The following ZNF45 variants were observed in gnomAD, a reference collection of about 807,000 sequenced individuals.
ZNF45 encodes the protein zinc finger protein 45, also known as BRC1744.
A neutral mutation model predicts 12.0 loss-of-function variants in ZNF45; 4 were observed. That is an observed-to-expected ratio of 0.33 (90% CI 0.16 to 0.76). The LOEUF is 0.76. Among genes scored for constraint, ZNF45 ranks in the 30% least tolerant of loss-of-function variants. The probability of loss-of-function intolerance (pLI) is 0.60; values close to 1 mark genes in which losing one functional copy is unlikely to be tolerated. For missense variants in ZNF45, 700 were observed against 813.0 expected, an observed-to-expected ratio of 0.86 and a Z score of 1.69; for synonymous variants, 272 against 279.6, an observed-to-expected ratio of 0.97 and a Z score of 0.27.
At chr19:43,916,228 C>G (rs1347620927) in intron 9 of ZNF45, among the ~76,000 whole-genome samples, 2 of 152,086 alleles carry the variant, frequency 1.3e-5, no homozygotes, top group African/African-American at 4.8e-5. Context: ...GATTCTCCTG[C>G]CTTATCCCCC....
At position 43,934,664 on chromosome 19, in the gene ZNF45, G is replaced by T. The variant is rs1376694205; in HGVS notation, c.-725C>A. The T allele has an allele frequency of 6.6e-6, 1 of 152,136 alleles. No homozygotes were observed. Among genetic ancestry groups the T allele is most frequent in the Non-Finnish European group, 1.5e-5 (1 of 68,020 alleles). 9.4% of individuals were successfully genotyped at this position (152,136 alleles called of 1,614,324 possible). A position where few individuals can be genotyped will look rare whatever the true frequency, so the allele number is the denominator to read the frequency against. On this transcript the variant is annotated 5_prime_UTR_variant, in exon 2 of 10. Transcript: ENST00000269973. ...TGATGCACTCTTTCTTAAAAAACGG[G>T]TCAGGCATAGTCCAAGAACAGCCTC...
chr19:43,913,739 C>G lies in ZNF45; in HGVS notation c.1697G>C (p.Cys566Ser), dbSNP rs1193052665. Residue 566 changes from cysteine to serine, a missense_variant, in exon 10 of 10, where the codon TGT (cysteine) becomes TCT (serine). Physicochemically the swap from Cys to Ser is moderately radical, Grantham distance 112. Transcript: ENST00000269973. The stretch of plus-strand genomic sequence containing the variant: ...ATGTGCCAGAAAATTGGAGGCCCGA[C>G]AGAAGCCCTTCCCACACTCCTCACA... ...YQCEECGKGFCRASNFLAHRG... is the reference protein window; with the variant it reads ...YQCEECGKGFSRASNFLAHRG... 1 of 1,614,132 alleles carries G rather than the reference C, an allele frequency of 6.2e-7. No homozygotes were observed. The highest frequency in any genetic ancestry group is 1.7e-5 in the Admixed American group (1 of 60,028).
rs966329518 is a variant in ZNF45 at position 43,932,590 on chromosome 19, C to T, written c.-400+14G>A. The T allele has an allele frequency of 6.6e-6, 1 of 152,206 alleles. No individual in the cohort carries two copies. The highest frequency in any genetic ancestry group is 1.5e-5 in the Non-Finnish European group (1 of 68,048). 9.4% of individuals were successfully genotyped at this position (152,206 alleles called of 1,614,324 possible). A position where few individuals can be genotyped will look rare whatever the true frequency, so the allele number is the denominator to read the frequency against. ...AATCCAGATGCCTGTTGGAGAGCTA[C>T]ATGAATCACTTACTCACTGAATAAC... On this transcript the variant is annotated intron_variant, in intron 3 of 9. Coordinates refer to ENST00000269973, the MANE Select transcript of ZNF45 (RefSeq NM_003425.4).
chr19:43,926,491 C>T (rs138676953), intron 3 of ZNF45: 1 of 152,316 alleles, frequency 6.6e-6, no homozygotes, highest in East Asian at 1.9e-4. Flanking sequence ...GCATAATTAG[C>T]ACTAGACAGG....
At chr19:43,916,441 A>G (rs1972684248) in intron 9 of ZNF45, among the ~76,000 whole-genome samples, 1 of 152,142 alleles carries the variant, frequency 6.6e-6, no homozygotes, top group South Asian at 2.1e-4. Context: ...ATCACTCAAT[A>G]TCAGATAGTA....
intron 2 of ZNF45, among the ~76,000 whole-genome samples, chr19:43,933,136 G>A (rs1974270136): frequency 6.6e-6 from 1 of 152,204 alleles, no homozygotes; most frequent in Admixed American, 6.5e-5. Flanking sequence ...GGCAGCCCTG[G>A]CAAATGAATA....
intron 2 of ZNF45, among the ~76,000 whole-genome samples, chr19:43,934,043 T>A (rs1184597915): frequency 1.3e-5 from 2 of 152,224 alleles, no homozygotes; most frequent in Non-Finnish European, 2.9e-5. Context: ...ATCTATTTTA[T>A]TTCCTAATTC....
intron 9 of ZNF45, among the ~76,000 whole-genome samples, chr19:43,915,956 A>G (rs1972628725): frequency 6.6e-6 from 1 of 152,138 alleles, no homozygotes; most frequent in South Asian, 2.1e-4. Flanking sequence ...TATGGTAATA[A>G]CACACATTAT....
chr19:43,915,579 G>A (rs1392264011), intron 9 of ZNF45, among the ~76,000 whole-genome samples: 1 of 152,248 alleles, frequency 6.6e-6, no homozygotes, highest in Non-Finnish European at 1.5e-5. Context: ...CACACAGCAG[G>A]AGGTGAGCGG....
At position 43,919,553 on chromosome 19, in the gene ZNF45, C is replaced by G; in HGVS notation, c.142+20G>C. On this transcript the variant is annotated intron_variant, in intron 8 of 9. Coordinates refer to ENST00000269973, the MANE Select transcript of ZNF45 (RefSeq NM_003425.4). ...ACAACAGAGGGAGCCAATGTTCAGT[C>G]AGAGAATGCCTGTCCTCACCCACTG... 6.2e-7 allele frequency: 1 copy of G among 1,607,384 alleles called. No homozygotes were observed. Among genetic ancestry groups the G allele is most frequent in the South Asian group, 1.1e-5 (1 of 90,772 alleles).
At chr19:43,922,090 T>C in intron 7 of ZNF45, 81 bp downstream of exon 7, 1 of 1,457,026 alleles carries the variant, frequency 6.9e-7, no homozygotes, top group Admixed American at 1.8e-5. Context: ...TCCTTCATCT[T>C]CCTAACAAAG....
At chr19:43,921,215 C>G (rs1973146578) in intron 7 of ZNF45, among the ~76,000 whole-genome samples, 1 of 152,180 alleles carries the variant, frequency 6.6e-6, no homozygotes, top group African/African-American at 2.4e-5. Flanking sequence ...AGCAACTTTC[C>G]ACAATTCTAC....
At chr19:43,924,797 T>G (rs930308796) in intron 4 of ZNF45, among the ~76,000 whole-genome samples, 4 of 152,344 alleles carry the variant, frequency 2.6e-5, no homozygotes, top group Admixed American at 6.5e-5. Flanking sequence ...ATGTCTAATC[T>G]ATAAACTGGA....
At chr19:43,929,060 T>C (rs1409149023) in intron 3 of ZNF45, among the ~76,000 whole-genome samples, 1 of 152,242 alleles carries the variant, frequency 6.6e-6, no homozygotes, top group Admixed American at 6.5e-5. Flanking sequence ...GTTTAACAAG[T>C]GGTCAACAGA....
At chr19:43,928,845 A>G (rs970079732) in intron 3 of ZNF45, among the ~76,000 whole-genome samples, 4 of 152,106 alleles carry the variant, frequency 2.6e-5, no homozygotes, top group Non-Finnish European at 1.5e-5. Flanking sequence ...CCACGAAAAA[A>G]CCCAGGCCAC....
In ZNF45 at chr19:43,914,800, T is replaced by A; in HGVS notation, c.636A>T (p.Arg212Ser). Residue 212 changes from arginine (R) to serine (S), a missense_variant, in exon 10 of 10, where the codon AGA (arginine) becomes AGT (serine). By Grantham distance (110) the Arg-to-Ser change is moderately radical. Transcript: ENST00000269973. ...TGTATGATTTTGCTCTACTGTGGAC[T>A]CTCTGATGGGCTTGAAGACTTGAAA... ...RRFSSLQAHQ[R>S]VHSRAKSYTN... The A allele has an allele frequency of 1.9e-6, 3 of 1,613,746 alleles. No individual in the cohort carries two copies. The highest frequency in any genetic ancestry group is 2.5e-6 in the Non-Finnish European group (3 of 1,179,744).
At chr19:43,927,868 T>C (rs1425872066) in intron 3 of ZNF45, among the ~76,000 whole-genome samples, 2 of 152,074 alleles carry the variant, frequency 1.3e-5, no homozygotes, top group Admixed American at 6.5e-5. Context: ...CATGGAATAC[T>C]AGGCGGCCAT....
At position 43,913,191 on chromosome 19, in the gene ZNF45, C is replaced by G. The variant is rs1333565455; in HGVS notation, c.*196G>C. The G allele has an allele frequency of 1.9e-6, 1 of 512,860 alleles. No homozygotes were observed. Among genetic ancestry groups the G allele is most frequent in the African/African-American group, 1.9e-5 (1 of 52,882 alleles). The allele number at this position is 512,860 out of a possible 1,614,324, so 31.8% of individuals were successfully genotyped here. On this transcript the variant is annotated 3_prime_UTR_variant, in exon 10 of 10. Coordinates refer to ENST00000269973, the MANE Select transcript of ZNF45 (RefSeq NM_003425.4). ...CCAGATCAGACTCATCCTTCCTGAT[C>G]CTCTTGTCTGCATGTATCAGCTAAT...
intron 9 of ZNF45, among the ~76,000 whole-genome samples, chr19:43,915,571 C>G (rs947905711): frequency 1.3e-5 from 2 of 152,244 alleles, no homozygotes; most frequent in African/African-American, 4.8e-5. Context: ...ATCTGGGCCA[C>G]ACAGCAGGAG....
Sources: gnomAD v4.1 joint callset for allele counts (sites outside exome capture counted in the v4.1 genomes callset) on GRCh38, gnomAD v4.1.1 for gene constraint, MANE v1.5 for transcripts, NCBI Gene and HGNC (gene_info 2026-07-23, HGNC 2026-07-21) for gene names.